The following RARB variants were observed in gnomAD, a reference collection of about 807,000 sequenced individuals.
RARB encodes HBV-activated protein.
In RARB, 17 loss-of-function variants were observed where a neutral mutation model predicts 51.9. The observed-to-expected ratio is 0.33, with a 90% CI of 0.22 to 0.49. RARB has a LOEUF of 0.49. Among genes scored for constraint, RARB ranks in the 20% least tolerant of loss-of-function variants. The pLI, the probability that RARB is intolerant of heterozygous loss-of-function variation, is 0.99. For synonymous variants in RARB, 215 were observed against 195.4 expected, an observed-to-expected ratio of 1.10 and a Z score of -0.84; for missense variants, 369 against 550.8, an observed-to-expected ratio of 0.67 and a Z score of 3.30.
chr3:24,898,711 C>G (rs1703531560), intron 2 of RARB, among the ~76,000 whole-genome samples: 1 of 152,132 alleles, frequency 6.6e-6, no homozygotes, highest in Non-Finnish European at 1.5e-5. Flanking sequence ...TTCCCCCTTC[C>G]CCTATAGCGG....
At chr3:25,418,691 C>T (rs1357319224) in intron 5 of RARB, among the ~76,000 whole-genome samples, 2 of 152,008 alleles carry the variant, frequency 1.3e-5, no homozygotes, top group African/African-American at 4.8e-5. Flanking sequence ...ATTGGACTAA[C>T]TCTCACTCCA....
At chr3:25,334,101 A>C (rs1704987563) in intron 5 of RARB, among the ~76,000 whole-genome samples, 1 of 152,214 alleles carries the variant, frequency 6.6e-6, no homozygotes, top group South Asian at 2.1e-4. Context: ...TAGTTCAACC[A>C]TTGTGGAAGA....
intron 1 of RARB, among the ~76,000 whole-genome samples, chr3:25,454,424 C>T (rs911050048): frequency 2.6e-5 from 4 of 152,230 alleles, no homozygotes; most frequent in Non-Finnish European, 5.9e-5. Context: ...GAAATTACTC[C>T]CTTCCACTGG....
intron 3 of RARB, among the ~76,000 whole-genome samples, chr3:25,129,715 A>G (rs747083922): frequency 6.6e-6 from 1 of 152,106 alleles, no homozygotes; most frequent in Non-Finnish European, 1.5e-5. Context: ...GAATTTTAGA[A>G]AAATTCATGA....
chr3:25,338,009 A>G (rs1054547686), intron 5 of RARB, among the ~76,000 whole-genome samples: 2 of 151,484 alleles, frequency 1.3e-5, no homozygotes, highest in East Asian at 1.9e-4. Flanking sequence ...ATTCAACACT[A>G]TATCTTTCAC....
intron 3 of RARB, among the ~76,000 whole-genome samples, chr3:25,111,312 C>G (rs547391099): frequency 6.6e-6 from 1 of 152,264 alleles, no homozygotes; most frequent in African/African-American, 2.4e-5. Flanking sequence ...TAATTACCAG[C>G]AGCTATTCTT....
chr3:25,023,880 T>C (rs869857), intron 2 of RARB, among the ~76,000 whole-genome samples: 24,724 of 152,138 alleles, frequency 0.16, 2,298 homozygotes, highest in South Asian at 0.27. Context: ...ATGTGGGTGT[T>C]TGGGGAGGTG....
At chr3:25,300,756 G>A (rs754091542) in intron 5 of RARB, among the ~76,000 whole-genome samples, 11 of 152,076 alleles carry the variant, frequency 7.2e-5, no homozygotes, top group Non-Finnish European at 1.2e-4. Flanking sequence ...TTGGGAGGCC[G>A]AGGCGGGCGG....
At chr3:25,098,873 C>T (rs943144067) in intron 3 of RARB, among the ~76,000 whole-genome samples, 12 of 152,186 alleles carry the variant, frequency 7.9e-5, no homozygotes, top group African/African-American at 2.9e-4. Context: ...CAACCCCTTA[C>T]CCCTGCAAAA....
intron 5 of RARB, among the ~76,000 whole-genome samples, chr3:25,235,348 C>T (rs570148438): frequency 6.6e-6 from 1 of 152,140 alleles, no homozygotes; most frequent in East Asian, 1.9e-4. Context: ...CAAAATTTTG[C>T]TCAGAAGAAC....
intron 3 of RARB, among the ~76,000 whole-genome samples, chr3:25,130,915 T>TTGATAATATCAATATTATTGATAA (rs1559477493): frequency 8.6e-5 from 2 of 23,122 alleles, no homozygotes; most frequent in Admixed American, 1.4e-3. Context: ...ATTGATAATA[T>TTGATAATATCAATATTATTGATAA]TATCAATATT....
chr3:24,920,649 T>TC (rs1695198726), intron 2 of RARB, among the ~76,000 whole-genome samples: 2 of 152,150 alleles, frequency 1.3e-5, no homozygotes, highest in Admixed American at 1.3e-4. Context: ...CTCTCCTGAC[T>TC]CTCAATTTTG....
intron 1 of RARB, among the ~76,000 whole-genome samples, chr3:25,449,487 G>A (rs6550979): frequency 0.5 from 75,934 of 151,676 alleles, 19,228 homozygotes; most frequent in East Asian, 0.71. Context: ...TGACTTAGAC[G>A]TACCCTGCAT....
At chr3:25,350,245 C>A (rs575545700) in intron 5 of RARB, among the ~76,000 whole-genome samples, 2 of 152,152 alleles carry the variant, frequency 1.3e-5, no homozygotes, top group Admixed American at 6.5e-5. Context: ...TCTTTGGAGC[C>A]CACCAAAGCA....
chr3:24,859,759 G>T (rs1702711895), intron 2 of RARB, among the ~76,000 whole-genome samples: 1 of 152,160 alleles, frequency 6.6e-6, no homozygotes, highest in South Asian at 2.1e-4. Flanking sequence ...AAATATTTTA[G>T]GCTTTTTGTG....
chr3:25,149,694 G>C (rs1319849859), intron 4 of RARB, among the ~76,000 whole-genome samples: 1 of 152,130 alleles, frequency 6.6e-6, no homozygotes, highest in Non-Finnish European at 1.5e-5. Context: ...GCATGAATTA[G>C]ATGCATGTAT....
intron 5 of RARB, among the ~76,000 whole-genome samples, chr3:25,323,730 G>A (rs1035657077): frequency 1.3e-5 from 2 of 152,130 alleles, no homozygotes; most frequent in African/African-American, 2.4e-5. Context: ...ATGCCCACAC[G>A]AAGATGAAGA....
chr3:25,588,997 T>C (rs1701511518), intron 5 of RARB, among the ~76,000 whole-genome samples: 1 of 152,198 alleles, frequency 6.6e-6, no homozygotes. Context: ...GGAATTAAGC[T>C]CCACCCCTTA....
chr3:25,139,635 G>A (rs1700080277), intron 4 of RARB, among the ~76,000 whole-genome samples: 2 of 152,120 alleles, frequency 1.3e-5, no homozygotes, highest in Admixed American at 6.6e-5. Context: ...AAGTGCTGAT[G>A]GAAAAAGGTA....
Sources: gnomAD v4.1 joint callset for allele counts (sites outside exome capture counted in the v4.1 genomes callset) on GRCh38, gnomAD v4.1.1 for gene constraint, MANE v1.5 for transcripts, NCBI Gene and HGNC (gene_info 2026-07-23, HGNC 2026-07-21) for gene names.